The following KNTC1 variants were observed in gnomAD, a reference collection of about 807,000 sequenced individuals.
KNTC1 encodes the protein kinetochore-associated protein 1.
A neutral mutation model predicts 314.4 loss-of-function variants in KNTC1; 253 were observed. That is an observed-to-expected ratio of 0.80 (90% CI 0.73 to 0.89). The LOEUF (loss-of-function observed/expected upper bound fraction) is 0.89. Among genes scored for constraint, KNTC1 ranks in the 40% least tolerant of loss-of-function variants. The pLI, the probability that KNTC1 is intolerant of heterozygous loss-of-function variation, is 0.00. For missense variants in KNTC1, 2,475 were observed against 2,572.9 expected (o/e 0.96, Z 0.82); for synonymous variants, 901 against 901.4 (o/e 1.00, Z 0.01).
chr12:122,539,503 G>A (rs1248647504), intron 4 of KNTC1, among the ~76,000 whole-genome samples, 173 bp from the exon 5 acceptor site: 2 of 152,154 alleles, frequency 1.3e-5, no homozygotes, highest in Non-Finnish European at 2.9e-5. Context: ...GAGCAGTCTT[G>A]AAGGTATTTA....
At chr12:122,625,336 G>C (rs1160541840) in intron 63 of KNTC1, among the ~76,000 whole-genome samples, 1 of 152,114 alleles carries the variant, frequency 6.6e-6, no homozygotes, top group Non-Finnish European at 1.5e-5. Flanking sequence ...CCGGGATACG[G>C]AGGTTGCAGT....
chr12:122,547,497 C>T lies in KNTC1; in HGVS notation c.899C>T (p.Thr300Ile). The T allele has an allele frequency of 6.2e-7, 1 of 1,610,950 alleles. No homozygotes were observed. The highest frequency in any genetic ancestry group is 1.1e-5 in the South Asian group (1 of 90,822). Residue 300 changes from threonine (T) to isoleucine (I), a missense_variant, in exon 11 of 64, where the codon ACT becomes ATT. Coordinates refer to ENST00000333479, the MANE Select transcript of KNTC1 (RefSeq NM_014708.6). ...PSLHVEEFLL[T>I]TEADSPSSVT... is the part of the protein sequence containing the mutation. Reference sequence around the variant, plus strand: ...CTTCACGTAGAAGAGTTTCTTCTTACTACAGAAGCAGACTCTCCTTCATCA... The same window carrying T: ...CTTCACGTAGAAGAGTTTCTTCTTATTACAGAAGCAGACTCTCCTTCATCA...
intron 2 of KNTC1, among the ~76,000 whole-genome samples, chr12:122,533,885 T>C (rs1331635362): frequency 2.0e-5 from 3 of 152,126 alleles, no homozygotes; most frequent in Non-Finnish European, 2.9e-5. Context: ...CATAAGCCCT[T>C]TACGTGAATT....
intron 16 of KNTC1, among the ~76,000 whole-genome samples, chr12:122,552,389 G>A (rs1963263592): frequency 6.6e-6 from 1 of 152,156 alleles, no homozygotes; most frequent in Non-Finnish European, 1.5e-5. Flanking sequence ...TGATGCAGAA[G>A]TAGGGGCCTC....
chr12:122,567,319 C>T (rs902441428), intron 20 of KNTC1, among the ~76,000 whole-genome samples: 13 of 151,958 alleles, frequency 8.6e-5, no homozygotes, highest in African/African-American at 3.1e-4. Context: ...GTCCACCCAC[C>T]TCGGCCTCCC....
At chr12:122,574,485 G>T in intron 27 of KNTC1, 105 bp downstream of exon 27, 1 of 674,356 alleles carries the variant, frequency 1.5e-6, no homozygotes. Flanking sequence ...TGTTTGAGAT[G>T]GGTCTGGCTG....
intron 12 of KNTC1, 57 bp from the exon 13 acceptor site, chr12:122,549,709 T>C: frequency 3.5e-6 from 3 of 867,956 alleles, no homozygotes; most frequent in Non-Finnish European, 5.7e-6. Flanking sequence ...AAGTGCTGTT[T>C]TGTACTTGCA....
chr12:122,552,926 G>A (rs1364948722), intron 16 of KNTC1, among the ~76,000 whole-genome samples: 1 of 152,122 alleles, frequency 6.6e-6, no homozygotes, highest in East Asian at 1.9e-4. Flanking sequence ...ACAGAGACAG[G>A]CAGATAACCT....
At chr12:122,599,592 C>A (rs150750588) in intron 44 of KNTC1, among the ~76,000 whole-genome samples, 114 of 152,162 alleles carry the variant, frequency 7.5e-4, no homozygotes, top group Non-Finnish European at 1.4e-3. Flanking sequence ...CTCAGGTGAT[C>A]TACCTGCCTC....
chr12:122,535,828 A>G (rs1230517341), intron 3 of KNTC1, among the ~76,000 whole-genome samples: 1 of 152,046 alleles, frequency 6.6e-6, no homozygotes, highest in Non-Finnish European at 1.5e-5. Flanking sequence ...AAAACAAAAA[A>G]AAGAGTGAAT....
In KNTC1 at chr12:122,530,191, A is replaced by G; in HGVS notation, c.128A>G (p.Lys43Arg). The G allele has an allele frequency of 6.2e-7, 1 of 1,612,530 alleles. No individual in the cohort carries two copies. Among genetic ancestry groups the G allele is most frequent in the Non-Finnish European group, 8.5e-7 (1 of 1,179,154 alleles). ...VDLLVKISSEKASLNPKIQAC... is the reference protein window; with the variant it reads ...VDLLVKISSERASLNPKIQAC... ...TTGCTAGTGAAGATCTCTTCTGAAA[A>G]GGTAGTGATTATTACACTGACTGTT... Residue 43 changes from lysine (K) to arginine (R), a missense_variant and splice_region_variant, in exon 2 of 64, where the codon AAG becomes AGG. By Grantham distance (26) the Lys-to-Arg change is conservative. Transcript: ENST00000333479.
chr12:122,554,348 A>G (rs1963433073), intron 16 of KNTC1, among the ~76,000 whole-genome samples: 2 of 151,898 alleles, frequency 1.3e-5, no homozygotes, highest in African/African-American at 4.8e-5. Flanking sequence ...TCCCAAAGTG[A>G]TGGGATTACA....
chr12:122,600,789 C>T (rs1871770815), intron 44 of KNTC1, among the ~76,000 whole-genome samples: 1 of 152,050 alleles, frequency 6.6e-6, no homozygotes, highest in Non-Finnish European at 1.5e-5. Flanking sequence ...CCTCCGCCTC[C>T]CAAGTAGCTG....
At chr12:122,545,623 G>A (rs1962700017) in intron 8 of KNTC1, among the ~76,000 whole-genome samples, 1 of 152,056 alleles carries the variant, frequency 6.6e-6, no homozygotes, top group Non-Finnish European at 1.5e-5. Context: ...TTCACTGCAT[G>A]TCTTTAGTGC....
At chr12:122,588,851 T>G in intron 40 of KNTC1, 35 bp downstream of exon 40, 2 of 1,394,288 alleles carry the variant, frequency 1.4e-6, no homozygotes, top group Non-Finnish European at 1.9e-6. Context: ...TTTTGTTTGT[T>G]TTTTTTTTGC....
intron 57 of KNTC1, 106 bp from the exon 58 acceptor site, chr12:122,618,237 G>T (rs1873979273): frequency 2.2e-6 from 2 of 911,428 alleles, no homozygotes; most frequent in East Asian, 5.2e-5. Flanking sequence ...CTTTCAAAGT[G>T]CTGGGATTAT....
chr12:122,574,122 TAG>T (rs1189904419), intron 26 of KNTC1, among the ~76,000 whole-genome samples, 158 bp from the exon 27 acceptor site: 1 of 152,240 alleles, frequency 6.6e-6, no homozygotes, highest in Non-Finnish European at 1.5e-5. Context: ...TTTGTATTTT[TAG>T]ACCATTGTTC....
In KNTC1 at chr12:122,619,664, G is replaced by A. The variant is rs140945465; in HGVS notation, c.6150-815G>A. Among the ~76,000 whole-genome samples, 1,296 of 150,808 alleles carry A rather than the reference G, an allele frequency of 8.6e-3. 16 individuals are homozygous for A. Among genetic ancestry groups the A allele is most frequent in the African/African-American group, 0.03 (1,251 of 41,030 alleles). ...CCTGACCTCATGATCCACCTGCCTC[G>A]GCCTCCCAAAGTGCTGGGATTACAG... is the stretch of plus-strand genomic sequence containing the variant. On this transcript the variant is annotated intron_variant, in intron 59 of 63. Transcript: ENST00000333479.
chr12:122,618,169 G>T (rs1252516228), intron 57 of KNTC1, among the ~76,000 whole-genome samples, 174 bp from the exon 58 acceptor site: 1 of 151,992 alleles, frequency 6.6e-6, no homozygotes, highest in East Asian at 1.9e-4. Flanking sequence ...ACGGGGTTTT[G>T]CCATATTGGC....
Sources: allele counts gnomAD v4.1 joint callset (sites outside exome capture counted in the v4.1 genomes callset), GRCh38; gene constraint gnomAD v4.1.1; transcripts MANE v1.5; gene names NCBI Gene and HGNC (gene_info 2026-07-23, HGNC 2026-07-21).